ITFG1: variants seen among roughly 807,000 people sequenced by gnomAD.
ITFG1 encodes the protein integrin alpha FG-GAP repeat containing 1.
A neutral mutation model predicts 81.8 loss-of-function variants in ITFG1; 34 were observed. The ratio of observed to expected loss-of-function variants is 0.42; its 90% CI spans 0.32 to 0.55. The LOEUF (loss-of-function observed/expected upper bound fraction) is 0.55. ITFG1 is among the 20% of genes least tolerant of loss of function. ITFG1 has a pLI of 0.17. For synonymous variants in ITFG1, 285 were observed against 270.6 expected (o/e 1.05, Z -0.52); for missense variants, 672 against 755.4 (o/e 0.89, Z 1.29).
intron 14 of ITFG1, among the ~76,000 whole-genome samples, chr16:47,195,084 C>CT (rs1280571312): frequency 6.6e-6 from 1 of 152,132 alleles, no homozygotes; most frequent in African/African-American, 2.4e-5. Context: ...TTGCTTTCAT[C>CT]TTTTTTTCAC....
chr16:47,246,753 T>C (rs1312316136), intron 12 of ITFG1, among the ~76,000 whole-genome samples: 1 of 152,166 alleles, frequency 6.6e-6, no homozygotes, highest in Non-Finnish European at 1.5e-5. Flanking sequence ...TACAGAAGGA[T>C]GAAATTTTAC....
At chr16:47,285,283 C>G (rs375447732) in intron 10 of ITFG1, among the ~76,000 whole-genome samples, 3 of 152,158 alleles carry the variant, frequency 2.0e-5, no homozygotes, top group South Asian at 2.1e-4. Flanking sequence ...AGTAAACATC[C>G]GAGCTGAACA....
At chr16:47,386,708 CA>C (rs984119451) in intron 6 of ITFG1, among the ~76,000 whole-genome samples, 49 of 152,328 alleles carry the variant, frequency 3.2e-4, no homozygotes, top group African/African-American at 1.1e-3. Flanking sequence ...GGATGCCTCT[CA>C]GGGGGAAAGT....
At chr16:47,461,178 C>T (rs1969539848), upstream of ITFG1, 3 of 1,013,246 alleles carry the variant, frequency 3.0e-6, no homozygotes, top group South Asian at 1.7e-5. Context: ...CTTTTTCTCT[C>T]TCCCACTAGG....
intron 14 of ITFG1, among the ~76,000 whole-genome samples, chr16:47,181,343 G>T (rs1047397332): frequency 6.6e-6 from 1 of 151,060 alleles, no homozygotes; most frequent in South Asian, 2.1e-4. Context: ...CCCCGTCCGG[G>T]AGGGAGGTGG....
intron 12 of ITFG1, among the ~76,000 whole-genome samples, chr16:47,256,343 G>A (rs1375843316): frequency 6.6e-6 from 1 of 152,158 alleles, no homozygotes; most frequent in Non-Finnish European, 1.5e-5. Context: ...CCTGGATTTA[G>A]TAGTTTATCC....
intron 8 of ITFG1, among the ~76,000 whole-genome samples, chr16:47,324,787 T>C (rs1967506254): frequency 6.6e-6 from 1 of 152,158 alleles, no homozygotes; most frequent in Non-Finnish European, 1.5e-5. Context: ...GAGCTAACTA[T>C]CCTAAATATA....
intron 10 of ITFG1, among the ~76,000 whole-genome samples, chr16:47,301,409 CTTT>C (rs1013125084): frequency 1.4e-5 from 2 of 144,140 alleles, no homozygotes. Context: ...TCTTCTTCTT[CTTT>C]TTTTTTTTTT....
In ITFG1 at chr16:47,329,826, C is replaced by G. The variant is rs1415501988; in HGVS notation, c.803-16003G>C. Among the ~76,000 whole-genome samples, 10 of 152,060 alleles carry G rather than the reference C, an allele frequency of 6.6e-5. No homozygotes were observed. The South Asian group carries it at 2.1e-3, about 32-fold the overall frequency. ...AGAATCAGAATACAAACTCAGGCAG[C>G]CTGCGTCGAGAGCCCATATTCTCGT... On this transcript the variant is annotated intron_variant, in intron 8 of 17. Coordinates refer to ENST00000320640, the MANE Select transcript of ITFG1 (RefSeq NM_030790.5).
At chr16:47,451,885 T>C (rs1969394265) in intron 4 of ITFG1, among the ~76,000 whole-genome samples, 1 of 152,230 alleles carries the variant, frequency 6.6e-6, no homozygotes, top group Non-Finnish European at 1.5e-5. Flanking sequence ...TTATCTAGAC[T>C]ACCCTTGAAT....
rs138088533 is a variant in ITFG1, at chr16:47,255,107, A to G, written c.1330+3525T>C. ...GTCTCAAAAAAGTTTATTGAAGTAC[A>G]CTGGCAAAATTCAAATGAAAGAAGG... On this transcript the variant is annotated intron_variant, in intron 12 of 17. Coordinates refer to ENST00000320640, the MANE Select transcript of ITFG1 (RefSeq NM_030790.5). Among the ~76,000 whole-genome samples, 123 of 152,338 alleles carry G rather than the reference A, an allele frequency of 8.1e-4. 1 individual carries two copies. The highest frequency in any genetic ancestry group is 2.8e-3 in the African/African-American group (117 of 41,580).
At chr16:47,228,610 G>T (rs1177824927) in intron 13 of ITFG1, among the ~76,000 whole-genome samples, 1 of 152,198 alleles carries the variant, frequency 6.6e-6, no homozygotes, top group Non-Finnish European at 1.5e-5. Flanking sequence ...GGCTCAGGCA[G>T]TCTTCTGCCT....
At chr16:47,272,540 C>G (rs1181661264) in intron 10 of ITFG1, among the ~76,000 whole-genome samples, 2 of 152,050 alleles carry the variant, frequency 1.3e-5, no homozygotes, top group Non-Finnish European at 2.9e-5. Context: ...GGATTACAGG[C>G]ACGCGCCACC....
intron 6 of ITFG1, among the ~76,000 whole-genome samples, chr16:47,409,364 T>TAC (rs1217745585): frequency 6.7e-5 from 6 of 89,032 alleles, no homozygotes; most frequent in Admixed American, 3.0e-4. Context: ...ACAAGACACA[T>TAC]ACACACACAC....
In ITFG1 at chr16:47,311,404, T is replaced by C; in HGVS notation, c.906A>G (p.Pro302=). The C allele has an allele frequency of 6.2e-7, 1 of 1,609,512 alleles. No homozygotes were observed. The highest frequency in any genetic ancestry group is 8.5e-7 in the Non-Finnish European group (1 of 1,177,668). Reference sequence around the variant, plus strand: ...CCTTATTGCTGAAATCTTGTAGGACTGGAACCCACTATGGATTAAGAGAAA... The same window carrying C: ...CCTTATTGCTGAAATCTTGTAGGACCGGAACCCACTATGGATTAAGAGAAA... ...LVRSGMKQWV[P]VLQDFSNKGT... is the part of the protein sequence containing the mutation. The change falls in exon 10 of 18, where the codon CCA becomes CCG. Residue 302 remains proline, a synonymous_variant. Coordinates refer to ENST00000320640, the MANE Select transcript of ITFG1 (RefSeq NM_030790.5).
chr16:47,461,190 C>T, upstream of ITFG1: 15 of 977,914 alleles, frequency 1.5e-5, no homozygotes, highest in South Asian at 2.4e-4. Flanking sequence ...CCCACTAGGG[C>T]TGCCCTTCCG....
intron 8 of ITFG1, among the ~76,000 whole-genome samples, chr16:47,338,130 C>A (rs1208323786): frequency 2.0e-5 from 3 of 152,170 alleles, no homozygotes; most frequent in African/African-American, 7.2e-5. Flanking sequence ...GCACTATAGG[C>A]CAGGCGCAGT....
At chr16:47,417,228 C>G (rs1968886338) in intron 6 of ITFG1, among the ~76,000 whole-genome samples, 1 of 152,198 alleles carries the variant, frequency 6.6e-6, no homozygotes, top group Admixed American at 6.5e-5. Context: ...CAATAATTAA[C>G]ATTTTAAAAC....
At chr16:47,189,264 A>G (rs1295944000) in intron 14 of ITFG1, among the ~76,000 whole-genome samples, 1 of 152,168 alleles carries the variant, frequency 6.6e-6, no homozygotes, top group Admixed American at 6.5e-5. Flanking sequence ...TGTACAATTC[A>G]GTGGTTTTTA....
Sources: allele counts gnomAD v4.1 joint callset (sites outside exome capture counted in the v4.1 genomes callset), GRCh38; gene constraint gnomAD v4.1.1; transcripts MANE v1.5; gene names NCBI Gene and HGNC (gene_info 2026-07-23, HGNC 2026-07-21).